Variants in ZDHHC2 observed in about 807,000 individuals in gnomAD.
ZDHHC2 encodes the protein zDHHC palmitoyltransferase 2, also known as palmitoyltransferase ZDHHC2.
A neutral mutation model predicts 55.6 loss-of-function variants in ZDHHC2; 51 were observed. The observed-to-expected ratio is 0.92, with a 90% CI of 0.73 to 1.16. The LOEUF is 1.16. ZDHHC2 is among the 50% of genes most tolerant of loss of function. The probability of loss-of-function intolerance (pLI) is 0.00; values close to 1 mark genes in which losing one functional copy is unlikely to be tolerated. For synonymous variants in ZDHHC2, 199 were observed against 152.9 expected, an observed-to-expected ratio of 1.30 and a Z score of -2.22; for missense variants, 491 against 442.4, an observed-to-expected ratio of 1.11 and a Z score of -0.99.
chr8:17,158,419 A>G lies in ZDHHC2; in HGVS notation c.130+1566A>G, dbSNP rs950764354. ...ATAGCCTATTCTCCTGTATTATCAC[A>G]TTAAGCTAAGACGCTTATCTTGGTA... On this transcript the variant is annotated intron_variant, in intron 1 of 12. Transcript: ENST00000262096. 2.0e-4 allele frequency among the ~76,000 whole-genome samples: 30 copies of G among 152,208 alleles called. 1 individual carries two copies. The highest frequency in any genetic ancestry group is 5.9e-5 in the Non-Finnish European group (4 of 68,038).
intron 1 of ZDHHC2, among the ~76,000 whole-genome samples, chr8:17,171,217 C>CA (rs1804836339): frequency 1.3e-5 from 2 of 152,154 alleles, no homozygotes; most frequent in African/African-American, 4.8e-5. Flanking sequence ...GAAAAGGAAA[C>CA]ACCCATACAA....
chr8:17,216,621 C>G (rs1251923062), intron 11 of ZDHHC2, among the ~76,000 whole-genome samples: 1 of 152,112 alleles, frequency 6.6e-6, no homozygotes, highest in Non-Finnish European at 1.5e-5. Context: ...TCCTCTTCAT[C>G]CAGAAGGGAT....
chr8:17,222,868 C>T lies in ZDHHC2; in HGVS notation c.*2647C>T, dbSNP rs1238022176. ...TCTTCAATGTGGCCATAACATAGGT[C>T]TTGGGAGGGGTGGTGAGAAAATAAG... On this transcript the variant is annotated 3_prime_UTR_variant, in exon 13 of 13. Transcript: ENST00000262096. 2.0e-5 allele frequency: 3 copies of T among 151,710 alleles called. No individual in the cohort carries two copies. The highest frequency in any genetic ancestry group is 7.3e-5 in the African/African-American group (3 of 41,346). The allele number at this position is 151,710 out of a possible 1,614,324, so 9.4% of individuals were successfully genotyped here.
At chr8:17,209,233 C>T (rs1807254432) in intron 8 of ZDHHC2, among the ~76,000 whole-genome samples, 1 of 152,150 alleles carries the variant, frequency 6.6e-6, no homozygotes, top group South Asian at 2.1e-4. Flanking sequence ...AGATGCAATA[C>T]ATGGTTCTGG....
chr8:17,201,487 T>A (rs1806764986), intron 6 of ZDHHC2, among the ~76,000 whole-genome samples: 1 of 117,084 alleles, frequency 8.5e-6, no homozygotes, highest in Non-Finnish European at 1.8e-5. Context: ...CTCTCTTTTT[T>A]TTTTTTTTTT....
chr8:17,175,168 C>G lies in ZDHHC2; in HGVS notation c.131-9621C>G, dbSNP rs1043570595. Among the ~76,000 whole-genome samples, 104 of 152,260 alleles carry G rather than the reference C, an allele frequency of 6.8e-4. 1 individual carries two copies. Among genetic ancestry groups the G allele is most frequent in the African/African-American group, 2.5e-3 (102 of 41,544 alleles). ...GGTAGAGGCTGGGGAAATCATCAGA[C>G]TCCATAGGGCGTTGGCATAGGACCA... On this transcript the variant is annotated intron_variant, in intron 1 of 12. Transcript: ENST00000262096.
At position 17,192,795 on chromosome 8, in the gene ZDHHC2, G is replaced by A. The variant is rs761878691; in HGVS notation, c.253-2709G>A. ...GTCTTTAATCCATTTTGATTTTTGC[G>A]TATGGCAAGAGATATGTGTCTCATT... On this transcript the variant is annotated intron_variant, in intron 3 of 12. Coordinates refer to ENST00000262096, the MANE Select transcript of ZDHHC2 (RefSeq NM_016353.5). Among the ~76,000 whole-genome samples, 29 of 152,230 alleles carry A rather than the reference G, an allele frequency of 1.9e-4. No individual in the cohort carries two copies. In the South Asian group the frequency reaches 3.9e-3, roughly 21 times the overall value.
rs947883663 is a variant in ZDHHC2, at chr8:17,218,258, A to T, written c.*34+1012A>T. 6.6e-5 allele frequency among the ~76,000 whole-genome samples: 10 copies of T among 152,326 alleles called. No individual in the cohort carries two copies. In the East Asian group the frequency reaches 1.5e-3, roughly 24 times the overall value. The stretch of plus-strand genomic sequence containing the variant: ...TGATTAAATAGCAAAGACATTATTA[A>T]ATTTCTGAAAATAATTTTAGAATGT... On this transcript the variant is annotated intron_variant, in intron 12 of 12. Coordinates refer to ENST00000262096, the MANE Select transcript of ZDHHC2 (RefSeq NM_016353.5).
At chr8:17,204,425 G>C (rs562148199) in intron 6 of ZDHHC2, among the ~76,000 whole-genome samples, 2 of 152,324 alleles carry the variant, frequency 1.3e-5, no homozygotes, top group East Asian at 3.9e-4. Flanking sequence ...CTATTTAATA[G>C]GTTCGTTATA....
intron 7 of ZDHHC2, among the ~76,000 whole-genome samples, chr8:17,207,156 G>A (rs147037546): frequency 3.3e-5 from 5 of 152,268 alleles, no homozygotes; most frequent in Non-Finnish European, 5.9e-5. Flanking sequence ...TCTTGTGACC[G>A]GTGTCATTTG....
At chr8:17,166,813 A>G (rs1441879106) in intron 1 of ZDHHC2, among the ~76,000 whole-genome samples, 1 of 152,086 alleles carries the variant, frequency 6.6e-6, no homozygotes, top group East Asian at 1.9e-4. Context: ...GTCTGGGAGG[A>G]CTGAGAATTT....
chr8:17,165,561 T>C (rs1804560310), intron 1 of ZDHHC2, among the ~76,000 whole-genome samples: 1 of 152,226 alleles, frequency 6.6e-6, no homozygotes, highest in Non-Finnish European at 1.5e-5. Context: ...ATCCAAGAAC[T>C]GAATGCATTT....
chr8:17,169,193 CTA>C (rs1804739899), intron 1 of ZDHHC2, among the ~76,000 whole-genome samples: 1 of 150,748 alleles, frequency 6.6e-6, no homozygotes, highest in African/African-American at 2.4e-5. Flanking sequence ...TTGAAGGTCT[CTA>C]GAGGTATCCA....
At chr8:17,176,636 C>G (rs1258566586) in intron 1 of ZDHHC2, among the ~76,000 whole-genome samples, 1 of 152,150 alleles carries the variant, frequency 6.6e-6, no homozygotes, top group African/African-American at 2.4e-5. Context: ...CTCCTACCAC[C>G]CAGTTCACTG....
chr8:17,201,312 CT>C (rs1806749053), intron 6 of ZDHHC2, among the ~76,000 whole-genome samples: 1 of 151,736 alleles, frequency 6.6e-6, no homozygotes, highest in South Asian at 2.1e-4. Flanking sequence ...TTGATTGAAT[CT>C]GTTTCTTTTT....
chr8:17,207,422 T>C (rs1431153518), intron 7 of ZDHHC2, among the ~76,000 whole-genome samples: 1 of 152,148 alleles, frequency 6.6e-6, no homozygotes, highest in Non-Finnish European at 1.5e-5. Flanking sequence ...TCTGTGGTGC[T>C]ATTATTTAAG....
intron 1 of ZDHHC2, among the ~76,000 whole-genome samples, chr8:17,182,823 G>T (rs751738388): frequency 6.6e-6 from 1 of 152,078 alleles, no homozygotes; most frequent in Admixed American, 6.5e-5. Context: ...GCGCAGTGGC[G>T]TGATGTTGGC....
Position 17,210,183 on chromosome 8 carries a change from A to G in ZDHHC2, c.857+125A>G, listed in dbSNP as rs886153649. ...GTGTAGGAACTCTTATTTTTAAAAA[A>G]TATTATTCTATGATTCACCATAATA... On this transcript the variant is annotated intron_variant, in intron 9 of 12. Coordinates refer to ENST00000262096, the MANE Select transcript of ZDHHC2 (RefSeq NM_016353.5). 17 of 1,204,986 alleles carry G rather than the reference A, an allele frequency of 1.4e-5. No individual in the cohort carries two copies. The African/African-American group carries it at 1.5e-4, about 11-fold the overall frequency. The allele number at this position is 1,204,986 out of a possible 1,614,324, so 74.6% of individuals were successfully genotyped here.
chr8:17,211,532 C>G (rs1349853934), intron 10 of ZDHHC2, among the ~76,000 whole-genome samples: 1 of 152,102 alleles, frequency 6.6e-6, no homozygotes, highest in Non-Finnish European at 1.5e-5. Flanking sequence ...TCTTGTCACC[C>G]AGGCTGGAGT....
Sources: gnomAD v4.1 joint callset for allele counts (sites outside exome capture counted in the v4.1 genomes callset) on GRCh38, gnomAD v4.1.1 for gene constraint, MANE v1.5 for transcripts, NCBI Gene and HGNC (gene_info 2026-07-23, HGNC 2026-07-21) for gene names.